Variants in BNC2 observed in about 807,000 individuals in gnomAD.
The protein encoded by BNC2 is zinc finger protein basonuclin-2.
Under a neutral mutation model 76.3 loss-of-function variants are expected in BNC2, and 20 were observed. The ratio of observed to expected loss-of-function variants is 0.26; its 90% CI spans 0.18 to 0.38. BNC2 has a LOEUF of 0.38. Ranked by LOEUF, BNC2 falls within the 10% of genes least tolerant of loss-of-function variation. BNC2 has a pLI of 1.00. For synonymous variants in BNC2, 582 were observed against 514.8 expected (o/e 1.13, Z -1.77); for missense variants, 1,382 against 1,399.8 (o/e 0.99, Z 0.20).
chr9:16,714,591 A>C (rs1425412167), intron 3 of BNC2, among the ~76,000 whole-genome samples: 1 of 152,228 alleles, frequency 6.6e-6, no homozygotes, highest in African/African-American at 2.4e-5. Flanking sequence ...TCTTCTCTGA[A>C]GTTTTGGAAG....
chr9:16,519,268 A>C (rs1268022589), intron 5 of BNC2, among the ~76,000 whole-genome samples: 6 of 152,238 alleles, frequency 3.9e-5, no homozygotes, highest in Admixed American at 3.9e-4. Flanking sequence ...TGATTCTTAC[A>C]GAAGAAATTT....
chr9:16,418,491 G>A lies in BNC2; in HGVS notation c.*498C>T, dbSNP rs1022812057. The A allele has an allele frequency of 7.8e-5, 12 of 154,098 alleles. No homozygotes were observed. The highest frequency in any genetic ancestry group is 3.2e-4 in the Admixed American group (5 of 15,498). 9.5% of individuals were successfully genotyped at this position (154,098 alleles called of 1,614,324 possible). On this transcript the variant is annotated 3_prime_UTR_variant, in exon 7 of 7. Transcript: ENST00000380672. Reference sequence around the variant, plus strand: ...CAGGTGAATCTGCCATGCTTTAATTGAAGATTCTTTCAAAACCTTAAAGTT... The same window carrying A: ...CAGGTGAATCTGCCATGCTTTAATTAAAGATTCTTTCAAAACCTTAAAGTT...
chr9:16,869,877 G>A (rs1819634189), intron 1 of BNC2, among the ~76,000 whole-genome samples: 2 of 152,066 alleles, frequency 1.3e-5, no homozygotes, highest in South Asian at 4.1e-4. Context: ...TTCACCTAGG[G>A]TTTTTCAGCA....
intron 1 of BNC2, among the ~76,000 whole-genome samples, chr9:16,868,883 C>G (rs113134793): frequency 0.03 from 4,510 of 152,258 alleles, 220 homozygotes; most frequent in African/African-American, 0.1. Flanking sequence ...AGATCAGACA[C>G]ACTAAGTAAC....
chr9:16,749,151 A>T (rs1382744433), intron 1 of BNC2, among the ~76,000 whole-genome samples: 1 of 152,048 alleles, frequency 6.6e-6, no homozygotes, highest in Admixed American at 6.6e-5. Flanking sequence ...ATATTAGCCC[A>T]GTATGAATAT....
intron 3 of BNC2, among the ~76,000 whole-genome samples, chr9:16,647,205 C>T (rs916548575): frequency 1.3e-5 from 2 of 152,076 alleles, no homozygotes; most frequent in Non-Finnish European, 2.9e-5. Flanking sequence ...AGCACATGTT[C>T]CAATTAACTC....
rs745541596 is a variant in BNC2, at chr9:16,437,399, C to T, written c.795G>A (p.Glu265=). The change falls in exon 6 of 7, where the codon GAG becomes GAA. Residue 265 remains glutamate (E), a synonymous_variant. Transcript: ENST00000380672. ...GTACAGCCACGGCCTGCCCTTCTTT[C>T]TCCTGAATTGCCATCAGCTCCACAA... The part of the protein sequence containing the change: ...KSIVELMAIQ[E]KEGQAVAVPS... 12 of 1,611,572 alleles carry T rather than the reference C, an allele frequency of 7.4e-6. No individual in the cohort carries two copies. The Admixed American group carries it at 1.2e-4, about 16-fold the overall frequency.
At chr9:16,521,966 A>G (rs1365933574) in intron 5 of BNC2, among the ~76,000 whole-genome samples, 1 of 152,206 alleles carries the variant, frequency 6.6e-6, no homozygotes, top group Non-Finnish European at 1.5e-5. Context: ...CTTTTGCCAG[A>G]GGCACTCACT....
chr9:16,866,210 T>C (rs1013129898), intron 1 of BNC2, among the ~76,000 whole-genome samples: 2 of 152,186 alleles, frequency 1.3e-5, no homozygotes, highest in Admixed American at 6.5e-5. Context: ...AATTATTGAA[T>C]GTAATATCAT....
At chr9:16,644,419 G>T (rs998042935) in intron 3 of BNC2, among the ~76,000 whole-genome samples, 2 of 151,906 alleles carry the variant, frequency 1.3e-5, no homozygotes, top group African/African-American at 4.8e-5. Flanking sequence ...AAACTTCACA[G>T]GCAACAAAAC....
intron 5 of BNC2, among the ~76,000 whole-genome samples, chr9:16,471,004 G>A (rs1821811956): frequency 6.6e-6 from 1 of 152,160 alleles, no homozygotes; most frequent in Non-Finnish European, 1.5e-5. Context: ...GACACTCAAT[G>A]CCAGCCCATG....
At chr9:16,512,999 T>G (rs1327722565) in intron 5 of BNC2, among the ~76,000 whole-genome samples, 2 of 151,836 alleles carry the variant, frequency 1.3e-5, no homozygotes, top group Non-Finnish European at 2.9e-5. Context: ...GCTGGGTATT[T>G]TGGCGCATGT....
chr9:16,787,500 T>G (rs138927514), intron 1 of BNC2, among the ~76,000 whole-genome samples: 19 of 152,292 alleles, frequency 1.2e-4, no homozygotes, highest in Non-Finnish European at 2.1e-4. Flanking sequence ...TCTTTGTGCC[T>G]CAATTTCCTC....
At chr9:16,698,656 C>T (rs780826225) in intron 3 of BNC2, among the ~76,000 whole-genome samples, 14 of 151,710 alleles carry the variant, frequency 9.2e-5, no homozygotes, top group South Asian at 2.1e-4. Flanking sequence ...ATGGCGCCAC[C>T]GCACTCCAGC....
chr9:16,594,795 A>C (rs929453057), intron 3 of BNC2, among the ~76,000 whole-genome samples: 1 of 152,090 alleles, frequency 6.6e-6, no homozygotes, highest in Non-Finnish European at 1.5e-5. Context: ...CTACTAATCC[A>C]GGGCTCTTTC....
chr9:16,501,071 C>T (rs1015042761), intron 5 of BNC2, among the ~76,000 whole-genome samples: 3 of 152,116 alleles, frequency 2.0e-5, no homozygotes, highest in Admixed American at 1.3e-4. Context: ...AAGTGATCTG[C>T]GTCTTAGTTT....
intron 1 of BNC2, among the ~76,000 whole-genome samples, chr9:16,766,760 C>T (rs1422224826): frequency 6.6e-6 from 1 of 152,140 alleles, no homozygotes; most frequent in African/African-American, 2.4e-5. Context: ...ATCAAATGGC[C>T]AGAAATAAGT....
chr9:16,550,529 AAC>A (rs1818626344), intron 5 of BNC2, among the ~76,000 whole-genome samples: 1 of 152,240 alleles, frequency 6.6e-6, no homozygotes, highest in African/African-American at 2.4e-5. Flanking sequence ...ATAGGACCAT[AAC>A]ACAGAAACAT....
intron 1 of BNC2, among the ~76,000 whole-genome samples, chr9:16,761,328 T>C (rs1405526992): frequency 3.3e-5 from 5 of 152,166 alleles, no homozygotes; most frequent in Admixed American, 6.5e-5. Context: ...GAGGTAGCAA[T>C]AGTTAGCTGC....
Sources: allele counts gnomAD v4.1 joint callset (sites outside exome capture counted in the v4.1 genomes callset), GRCh38; gene constraint gnomAD v4.1.1; transcripts MANE v1.5; gene names NCBI Gene and HGNC (gene_info 2026-07-23, HGNC 2026-07-21).